The following CSMD3 variants were observed in gnomAD, a reference collection of about 807,000 sequenced individuals.
The protein encoded by CSMD3 is CUB and Sushi multiple domains 3, also known as CUB and sushi domain-containing protein 3.
A neutral mutation model predicts 435.2 loss-of-function variants in CSMD3; 177 were observed. The observed-to-expected ratio is 0.41, with a 90% CI of 0.36 to 0.46. The LOEUF is 0.46. Among genes scored for constraint, CSMD3 ranks in the 20% least tolerant of loss-of-function variants. The pLI is 0.34. For missense variants in CSMD3, 4,265 were observed against 4,504.6 expected (o/e 0.95, Z 1.52); for synonymous variants, 1,656 against 1,520.5 (o/e 1.09, Z -2.07).
chr8:112,472,815 T>C, intron 31 of CSMD3, 108 bp from the exon 32 acceptor site: 1 of 687,660 alleles, frequency 1.5e-6, no homozygotes, highest in Non-Finnish European at 2.6e-6. Context: ...ATTTAAGGTG[T>C]ATAATTTATT....
intron 42 of CSMD3, among the ~76,000 whole-genome samples, chr8:112,339,728 A>G (rs1040871778): frequency 6.6e-6 from 1 of 152,178 alleles, no homozygotes; most frequent in African/African-American, 2.4e-5. Context: ...TAACTTTTCC[A>G]AATTCAGAAG....
rs375821721 is a variant in CSMD3, at chr8:112,377,556, A to T, written c.6136+2796T>A. Among the ~76,000 whole-genome samples, 22 of 152,292 alleles carry T rather than the reference A, an allele frequency of 1.4e-4. 1 individual carries two copies. The South Asian group carries it at 3.9e-3, about 27-fold the overall frequency. ...AGACACCACAAGAAAAGAAAAGTATAATCCAATATCCCTTTTGAATATGGA... is the reference window on the plus strand; with the variant it reads ...AGACACCACAAGAAAAGAAAAGTATTATCCAATATCCCTTTTGAATATGGA... On this transcript the variant is annotated intron_variant, in intron 38 of 70. Coordinates refer to ENST00000297405, the MANE Select transcript of CSMD3 (RefSeq NM_198123.2).
chr8:112,455,591 GTAAA>G (rs71309770), intron 32 of CSMD3, among the ~76,000 whole-genome samples: 55,599 of 149,020 alleles, frequency 0.37, 11,071 homozygotes, highest in African/African-American at 0.5. Context: ...AAATAAGTAA[GTAAA>G]TAAATAAATA....
intron 16 of CSMD3, among the ~76,000 whole-genome samples, chr8:112,668,356 C>A (rs1397638018): frequency 6.6e-6 from 1 of 152,086 alleles, no homozygotes; most frequent in Non-Finnish European, 1.5e-5. Flanking sequence ...GTATTTCTGA[C>A]ATAAATCTTT....
intron 4 of CSMD3, among the ~76,000 whole-genome samples, chr8:113,140,905 C>T (rs766819365): frequency 1.2e-4 from 18 of 150,204 alleles, no homozygotes; most frequent in Non-Finnish European, 2.1e-4. Context: ...AGAATACATG[C>T]CAATGAAATT....
At chr8:112,668,733 A>G (rs1712966046) in intron 16 of CSMD3, among the ~76,000 whole-genome samples, 1 of 152,028 alleles carries the variant, frequency 6.6e-6, no homozygotes, top group South Asian at 2.1e-4. Context: ...TTCCAAAAGT[A>G]TAGGAACCAA....
chr8:113,315,869 C>T (rs1488055775), intron 1 of CSMD3, among the ~76,000 whole-genome samples: 4 of 151,722 alleles, frequency 2.6e-5, no homozygotes, highest in Admixed American at 6.6e-5. Context: ...CAGACATGCA[C>T]CACCACGCCC....
intron 66 of CSMD3, among the ~76,000 whole-genome samples, chr8:112,240,739 T>C (rs1331818034): frequency 2.0e-5 from 3 of 152,110 alleles, no homozygotes; most frequent in Non-Finnish European, 2.9e-5. Context: ...TCAACTTGAA[T>C]TGTACTCCCA....
intron 13 of CSMD3, among the ~76,000 whole-genome samples, chr8:112,743,529 T>C (rs1475673607): frequency 2.0e-5 from 3 of 151,842 alleles, no homozygotes; most frequent in Non-Finnish European, 2.9e-5. Flanking sequence ...GATATTTCCT[T>C]GTGATTCTTG....
chr8:113,116,135 A>C (rs2090819844), intron 4 of CSMD3, among the ~76,000 whole-genome samples: 1 of 152,016 alleles, frequency 6.6e-6, no homozygotes, highest in Non-Finnish European at 1.5e-5. Context: ...ACACTAAAAA[A>C]ACATAATTTA....
intron 5 of CSMD3, among the ~76,000 whole-genome samples, chr8:113,059,430 C>A (rs938002949): frequency 1.3e-5 from 2 of 152,112 alleles, no homozygotes; most frequent in African/African-American, 2.4e-5. Context: ...AGTTTACAAT[C>A]CACTCATTTT....
intron 45 of CSMD3, among the ~76,000 whole-genome samples, chr8:112,320,835 C>A (rs1802046401): frequency 6.6e-6 from 1 of 152,104 alleles, no homozygotes; most frequent in Admixed American, 6.6e-5. Context: ...ACCTAGATAG[C>A]CTGGCTCCAG....
At chr8:112,553,935 T>G (rs1827900181) in intron 25 of CSMD3, among the ~76,000 whole-genome samples, 1 of 151,886 alleles carries the variant, frequency 6.6e-6, no homozygotes, top group South Asian at 2.1e-4. Flanking sequence ...ATTAACTATT[T>G]TATAGGTATG....
At chr8:113,200,190 T>G (rs1328141587) in intron 3 of CSMD3, among the ~76,000 whole-genome samples, 2 of 151,788 alleles carry the variant, frequency 1.3e-5, no homozygotes, top group African/African-American at 4.8e-5. Context: ...TTTCTGTGAC[T>G]CCTCTTATTC....
intron 17 of CSMD3, among the ~76,000 whole-genome samples, chr8:112,658,686 A>C (rs1416348190): frequency 6.6e-6 from 1 of 152,180 alleles, no homozygotes; most frequent in Non-Finnish European, 1.5e-5. Context: ...GGCCAGGCAC[A>C]GTGGCTTTTG....
chr8:113,313,711 G>C lies in CSMD3; in HGVS notation c.401+860C>G, dbSNP rs1031729879. 2.6e-5 allele frequency: 4 copies of C among 152,124 alleles called. No homozygotes were observed. In the East Asian group the frequency reaches 7.7e-4, roughly 29 times the overall value. The allele number at this position is 152,124 out of a possible 1,614,324, so 9.4% of individuals were successfully genotyped here. On this transcript the variant is annotated intron_variant, in intron 2 of 70. Transcript: ENST00000297405. ...ACTCAAACATAGCCAAGTATGTAAA[G>C]AGTCTTTAATTCCTACATGTTACCT...
intron 1 of CSMD3, among the ~76,000 whole-genome samples, chr8:113,400,405 G>A (rs2094504625): frequency 6.6e-6 from 1 of 151,914 alleles, no homozygotes; most frequent in African/African-American, 2.4e-5. Context: ...AAGCTAAAAG[G>A]AGGACATTAC....
chr8:112,569,638 G>T (rs1160191058), intron 24 of CSMD3, among the ~76,000 whole-genome samples: 2 of 152,144 alleles, frequency 1.3e-5, no homozygotes, highest in South Asian at 2.1e-4. Context: ...ATAGATAATG[G>T]AATACAGGGT....
intron 1 of CSMD3, among the ~76,000 whole-genome samples, chr8:113,326,049 A>C (rs758147839): frequency 1.3e-4 from 20 of 152,256 alleles, no homozygotes; most frequent in Non-Finnish European, 2.6e-4. Context: ...CCTATTTTAA[A>C]TAAGAGGGAT....
Sources: allele counts gnomAD v4.1 joint callset (sites outside exome capture counted in the v4.1 genomes callset), GRCh38; gene constraint gnomAD v4.1.1; transcripts MANE v1.5; gene names NCBI Gene and HGNC (gene_info 2026-07-23, HGNC 2026-07-21).